The following NXPE4 variants were observed in gnomAD, a reference collection of about 807,000 sequenced individuals.
NXPE4 encodes the protein neurexophilin and PC-esterase domain family member 4.
A neutral mutation model predicts 33.3 loss-of-function variants in NXPE4; 42 were observed. That is an observed-to-expected ratio of 1.26 (90% CI 0.98 to 1.63). The LOEUF is 1.63. Ranked by LOEUF, NXPE4 falls within the 40% of genes most tolerant of loss-of-function variation. The pLI, the probability that NXPE4 is intolerant of heterozygous loss-of-function variation, is 0.00. For missense variants in NXPE4, 709 were observed against 647.6 expected (o/e 1.09, Z -1.03); for synonymous variants, 253 against 234.9 (o/e 1.08, Z -0.71).
At chr11:114,655,937 G>A in the NXPE4 span, among the ~76,000 whole-genome samples, 2 of 152,140 alleles carry the variant, frequency 1.3e-5, no homozygotes, top group African/African-American at 4.8e-5. Flanking sequence ...GGGCAATCAG[G>A]CAAGAGAAAG....
the NXPE4 span, among the ~76,000 whole-genome samples, chr11:114,628,428 C>A: frequency 1.3e-5 from 2 of 152,096 alleles, no homozygotes; most frequent in Non-Finnish European, 2.9e-5. Flanking sequence ...CTACTGGGTA[C>A]ATAACGAAAT....
the NXPE4 span, among the ~76,000 whole-genome samples, chr11:114,634,618 T>C: frequency 8.3e-3 from 1,256 of 152,158 alleles, 21 homozygotes; most frequent in African/African-American, 0.028. Flanking sequence ...AAGTCTTTAA[T>C]ACATTTTGAA....
At chr11:114,663,637 C>CATCTATCATCTATCTATCATCT in the NXPE4 span, among the ~76,000 whole-genome samples, 1 of 138,754 alleles carries the variant, frequency 7.2e-6, no homozygotes, top group African/African-American at 2.8e-5. Context: ...ATCTATCTAT[C>CATCTATCATCTATCTATCATCT]ATCTATCCAT....
the NXPE4 span, among the ~76,000 whole-genome samples, chr11:114,657,658 T>C: frequency 8.5e-5 from 13 of 152,310 alleles, no homozygotes; most frequent in Non-Finnish European, 1.8e-4. Flanking sequence ...GTTTTCTTTA[T>C]AATTTTTATA....
At chr11:114,613,001 A>G in the NXPE4 span, among the ~76,000 whole-genome samples, 2 of 151,954 alleles carry the variant, frequency 1.3e-5, no homozygotes, top group African/African-American at 4.8e-5. Context: ...CCCAATGGAT[A>G]ATTAGTGTTG....
At position 114,594,694 on chromosome 11, in the gene NXPE4, G is replaced by T; in HGVS notation, c.66C>A (p.Ile22=). The T allele has an allele frequency of 1.9e-6, 3 of 1,603,396 alleles. No homozygotes were observed. The highest frequency in any genetic ancestry group is 1.1e-5 in the South Asian group (1 of 89,698). Reference sequence around the variant, plus strand: ...TGGAGTTCTGGAAAACTGTAAAAATGATCCAGGAGGCTAATATAAACAACA... The same window carrying T: ...TGGAGTTCTGGAAAACTGTAAAAATTATCCAGGAGGCTAATATAAACAACA... ...LALLFILASW[I]IFTVFQNSTK... is the part of the protein sequence containing the mutation. Residue 22 remains isoleucine (I), a synonymous_variant, in exon 2 of 6, where the codon ATC becomes ATA. Coordinates refer to ENST00000375478, the MANE Select transcript of NXPE4 (RefSeq NM_001077639.2).
chr11:114,607,740 G>T, the NXPE4 span, among the ~76,000 whole-genome samples: 155 of 143,172 alleles, frequency 1.1e-3, 1 homozygote, highest in Admixed American at 8.7e-3. Context: ...AACCACAGTT[G>T]CCCGGTGGAT....
At chr11:114,670,470 G>T in the NXPE4 span, among the ~76,000 whole-genome samples, 1 of 152,070 alleles carries the variant, frequency 6.6e-6, no homozygotes, top group Admixed American at 6.6e-5. Context: ...CTTGTGGTAG[G>T]ATCCCTTGAG....
the NXPE4 span, among the ~76,000 whole-genome samples, chr11:114,636,271 C>T: frequency 3.9e-5 from 6 of 152,054 alleles, no homozygotes; most frequent in Non-Finnish European, 7.4e-5. Context: ...GTAGTATTCT[C>T]TGATGGTAGT....
chr11:114,629,146 G>A, the NXPE4 span, among the ~76,000 whole-genome samples: 1 of 152,100 alleles, frequency 6.6e-6, no homozygotes, highest in Non-Finnish European at 1.5e-5. Flanking sequence ...AATAGAAAAA[G>A]AGGGAACCCT....
chr11:114,613,276 C>A, the NXPE4 span, among the ~76,000 whole-genome samples: 1 of 151,736 alleles, frequency 6.6e-6, no homozygotes, highest in Non-Finnish European at 1.5e-5. Flanking sequence ...TCACAGGTAA[C>A]CACTGTTACT....
At chr11:114,673,770 A>G in the NXPE4 span, among the ~76,000 whole-genome samples, 3 of 151,832 alleles carry the variant, frequency 2.0e-5, no homozygotes, top group Admixed American at 1.3e-4. Flanking sequence ...TCATAACTCT[A>G]TGTGAGAGCC....
At chr11:114,639,075 G>T in the NXPE4 span, among the ~76,000 whole-genome samples, 1 of 152,090 alleles carries the variant, frequency 6.6e-6, no homozygotes, top group Non-Finnish European at 1.5e-5. Context: ...CAGAGGTGGA[G>T]CCTACAGAGG....
At chr11:114,604,466 G>A in the NXPE4 span, among the ~76,000 whole-genome samples, 1 of 151,996 alleles carries the variant, frequency 6.6e-6, no homozygotes, top group African/African-American at 2.4e-5. Context: ...TGCCTTGTGG[G>A]TAACCACTGT....
At chr11:114,631,628 C>G in the NXPE4 span, among the ~76,000 whole-genome samples, 7 of 151,856 alleles carry the variant, frequency 4.6e-5, no homozygotes, top group African/African-American at 1.7e-4. Context: ...ACATATGTAA[C>G]TAAACTGCAC....
At chr11:114,637,047 A>G in the NXPE4 span, among the ~76,000 whole-genome samples, 1 of 151,990 alleles carries the variant, frequency 6.6e-6, no homozygotes, top group Non-Finnish European at 1.5e-5. Flanking sequence ...TGATCTGTCT[A>G]ATGTTGACAG....
intron 2 of NXPE4, among the ~76,000 whole-genome samples, chr11:114,589,833 C>T (rs955909053): frequency 1.3e-5 from 2 of 152,158 alleles, no homozygotes; most frequent in Admixed American, 6.5e-5. Context: ...GTCCCTACAA[C>T]ACCCCAATAT....
the NXPE4 span, among the ~76,000 whole-genome samples, chr11:114,663,417 G>A: frequency 2.7e-3 from 418 of 152,152 alleles, no homozygotes; most frequent in African/African-American, 8.8e-3. Context: ...AAACGGGTGT[G>A]GGTTTATGTA....
At chr11:114,632,883 T>G in the NXPE4 span, among the ~76,000 whole-genome samples, 7 of 52,588 alleles carry the variant, frequency 1.3e-4, no homozygotes, top group Admixed American at 3.7e-4. Flanking sequence ...TATAATTATA[T>G]ATTATATAAT....
Sources: gnomAD v4.1 joint callset for allele counts (sites outside exome capture counted in the v4.1 genomes callset) on GRCh38, gnomAD v4.1.1 for gene constraint, MANE v1.5 for transcripts, NCBI Gene and HGNC (gene_info 2026-07-23, HGNC 2026-07-21) for gene names.